GALNT2: variants seen among roughly 807,000 people sequenced by gnomAD.
GALNT2 encodes polypeptide N-acetylgalactosaminyltransferase 2.
In GALNT2, 31 loss-of-function variants were observed where a neutral mutation model predicts 81.4. The ratio of observed to expected loss-of-function variants is 0.38; its 90% CI spans 0.29 to 0.51. GALNT2 has a LOEUF of 0.51. Ranked by LOEUF, GALNT2 falls within the 20% of genes least tolerant of loss-of-function variation. GALNT2 has a pLI of 0.87. For synonymous variants in GALNT2, 303 were observed against 287.4 expected, an observed-to-expected ratio of 1.05 and a Z score of -0.55; for missense variants, 629 against 765.7, an observed-to-expected ratio of 0.82 and a Z score of 2.11.
intron 6 of GALNT2, among the ~76,000 whole-genome samples, chr1:230,242,717 A>ATT (rs1222667537): frequency 1.3e-5 from 2 of 152,140 alleles, no homozygotes; most frequent in Non-Finnish European, 2.9e-5. Context: ...CACTATTTGT[A>ATT]TTTTGTGTCA....
chr1:230,084,596 G>T (rs1392167733), intron 1 of GALNT2, among the ~76,000 whole-genome samples: 1 of 152,082 alleles, frequency 6.6e-6, no homozygotes, highest in Non-Finnish European at 1.5e-5. Context: ...GCTGAGACTG[G>T]TGGGCTCGGG....
intron 1 of GALNT2, among the ~76,000 whole-genome samples, chr1:230,088,446 A>G (rs1659960128): frequency 6.6e-6 from 1 of 150,778 alleles, no homozygotes; most frequent in Non-Finnish European, 1.5e-5. Flanking sequence ...ATTTTTATTG[A>G]GGTGAAATTC....
intron 11 of GALNT2, among the ~76,000 whole-genome samples, chr1:230,261,715 C>A (rs1665880870): frequency 6.6e-6 from 1 of 152,164 alleles, no homozygotes; most frequent in South Asian, 2.1e-4. Context: ...GTTTTCTTTC[C>A]TTCTAGAAAA....
At chr1:230,224,312 G>GCCAGTTTA (rs1319435799) in intron 3 of GALNT2, among the ~76,000 whole-genome samples, 1 of 152,186 alleles carries the variant, frequency 6.6e-6, no homozygotes, top group Non-Finnish European at 1.5e-5. Flanking sequence ...GCATCGGGAG[G>GCCAGTTTA]AATGAAAGTT....
At chr1:230,173,159 C>T (rs532602688) in intron 1 of GALNT2, among the ~76,000 whole-genome samples, 149 of 152,358 alleles carry the variant, frequency 9.8e-4, no homozygotes, top group Admixed American at 2.0e-3. Flanking sequence ...TTAGAGTTCT[C>T]TTTCTCTGGC....
chr1:230,166,850 G>C (rs779507964), intron 1 of GALNT2, among the ~76,000 whole-genome samples: 13 of 152,168 alleles, frequency 8.5e-5, no homozygotes, highest in Non-Finnish European at 1.8e-4. Context: ...TTGCTGTAGT[G>C]GGGGAGTCAT....
intron 1 of GALNT2, among the ~76,000 whole-genome samples, chr1:230,167,426 C>T (rs748302064): frequency 3.3e-5 from 5 of 152,164 alleles, no homozygotes; most frequent in East Asian, 1.9e-4. Flanking sequence ...GGATTACAGT[C>T]GTGAGCCACC....
chr1:230,148,438 C>G (rs1032434695), intron 1 of GALNT2, among the ~76,000 whole-genome samples: 2 of 152,240 alleles, frequency 1.3e-5, no homozygotes, highest in Non-Finnish European at 2.9e-5. Flanking sequence ...GTCCCACAGC[C>G]CTGGAAAGCC....
chr1:230,132,768 T>G (rs1661407373), intron 1 of GALNT2, among the ~76,000 whole-genome samples: 1 of 152,232 alleles, frequency 6.6e-6, no homozygotes, highest in South Asian at 2.1e-4. Context: ...ATTAGTTGTT[T>G]CTCTTCTTTC....
intron 3 of GALNT2, among the ~76,000 whole-genome samples, chr1:230,204,090 G>A (rs963329858): frequency 1.3e-5 from 2 of 151,876 alleles, no homozygotes; most frequent in Admixed American, 6.6e-5. Context: ...TGATCCTCCC[G>A]CCTTAGCCTC....
intron 1 of GALNT2, among the ~76,000 whole-genome samples, chr1:230,109,817 C>T (rs895858444): frequency 4.1e-5 from 6 of 147,824 alleles, no homozygotes; most frequent in African/African-American, 1.3e-4. Context: ...GCAACAAGAG[C>T]GAAACTTCGT....
intron 1 of GALNT2, among the ~76,000 whole-genome samples, chr1:230,136,411 A>G (rs1396900223): frequency 6.6e-6 from 1 of 152,110 alleles, no homozygotes; most frequent in Non-Finnish European, 1.5e-5. Flanking sequence ...GAGTTGTTGA[A>G]TTGTACTCTT....
chr1:230,255,391 C>T, intron 11 of GALNT2, 47 bp downstream of exon 11: 2 of 1,612,590 alleles, frequency 1.2e-6, no homozygotes, highest in Middle Eastern at 1.7e-4. Flanking sequence ...GATGACTACC[C>T]TGAAAGCAGG....
chr1:230,130,979 C>A (rs1661349467), intron 1 of GALNT2, among the ~76,000 whole-genome samples: 1 of 152,044 alleles, frequency 6.6e-6, no homozygotes, highest in Non-Finnish European at 1.5e-5. Flanking sequence ...CTCTTAGGAG[C>A]CTGTCAGGCA....
intron 15 of GALNT2, among the ~76,000 whole-genome samples, chr1:230,276,983 A>G (rs181133830): frequency 6.6e-6 from 1 of 152,378 alleles, no homozygotes; most frequent in Non-Finnish European, 1.5e-5. Context: ...TGATGACTTT[A>G]GTTGACACCT....
chr1:230,161,175 A>T (rs1169756096), intron 1 of GALNT2, among the ~76,000 whole-genome samples: 1 of 152,194 alleles, frequency 6.6e-6, no homozygotes, highest in Non-Finnish European at 1.5e-5. Flanking sequence ...CCCAGGGCTC[A>T]CGTGTGCCTT....
intron 1 of GALNT2, among the ~76,000 whole-genome samples, chr1:230,058,892 T>A (rs1165321678): frequency 1.3e-5 from 2 of 152,192 alleles, no homozygotes; most frequent in Admixed American, 1.3e-4. Context: ...CAGCCCATTG[T>A]GGGTCCTGGG....
intron 1 of GALNT2, among the ~76,000 whole-genome samples, chr1:230,148,942 G>A (rs1435449503): frequency 6.6e-6 from 1 of 152,036 alleles, no homozygotes; most frequent in African/African-American, 2.4e-5. Flanking sequence ...CCAGGCTGGA[G>A]TGATCACAGC....
intron 8 of GALNT2, among the ~76,000 whole-genome samples, chr1:230,247,705 G>A (rs529001463): frequency 4.5e-4 from 69 of 152,266 alleles, no homozygotes; most frequent in African/African-American, 1.5e-3. Context: ...CAGGTGTTCC[G>A]TGTGGGGGTG....
Sources: gnomAD v4.1 joint callset for allele counts (sites outside exome capture counted in the v4.1 genomes callset) on GRCh38, gnomAD v4.1.1 for gene constraint, MANE v1.5 for transcripts, NCBI Gene and HGNC (gene_info 2026-07-23, HGNC 2026-07-21) for gene names.